Variants in CDH7 observed in about 807,000 individuals in gnomAD.
CDH7 encodes cadherin 7, also known as cadherin-7.
In CDH7, 25 loss-of-function variants were observed where a neutral mutation model predicts 71.8. The observed-to-expected ratio is 0.35, with a 90% CI of 0.25 to 0.49. The LOEUF (loss-of-function observed/expected upper bound fraction) is 0.49. Ranked by LOEUF, CDH7 falls within the 20% of genes least tolerant of loss-of-function variation. The pLI is 0.99. For synonymous variants in CDH7, 381 were observed against 363.8 expected, an observed-to-expected ratio of 1.05 and a Z score of -0.54; for missense variants, 862 against 974.6, an observed-to-expected ratio of 0.88 and a Z score of 1.54.
chr18:65,855,876 A>G (rs535783769), intron 7 of CDH7, among the ~76,000 whole-genome samples: 3 of 152,298 alleles, frequency 2.0e-5, no homozygotes, highest in East Asian at 1.9e-4. Flanking sequence ...GAAAAGAATA[A>G]TTCACCATGA....
rs1599074647 is a variant in CDH7, at chr18:65,885,134, G to C, written c.*4240G>C. The C allele has an allele frequency of 6.6e-6, 1 of 151,966 alleles. No individual in the cohort carries two copies. Among genetic ancestry groups the C allele is most frequent in the Non-Finnish European group, 1.5e-5 (1 of 67,974 alleles). 9.4% of individuals were successfully genotyped at this position (151,966 alleles called of 1,614,324 possible). A position where few individuals can be genotyped will look rare whatever the true frequency, so the allele number is the denominator to read the frequency against. On this transcript the variant is annotated 3_prime_UTR_variant, in exon 12 of 12. Coordinates refer to ENST00000397968, the MANE Select transcript of CDH7 (RefSeq NM_004361.5). Reference sequence around the variant, plus strand: ...GCTGGATATAATAAAGAACAAGAAAGGAATAATAGCATTTGCATTTTAAAT... The same window carrying C: ...GCTGGATATAATAAAGAACAAGAAACGAATAATAGCATTTGCATTTTAAAT...
chr18:65,868,343 C>T (rs1335090553), intron 11 of CDH7, among the ~76,000 whole-genome samples: 1 of 152,148 alleles, frequency 6.6e-6, no homozygotes, highest in Non-Finnish European at 1.5e-5. Context: ...TATTACTATG[C>T]CCACATTTTA....
chr18:65,769,342 G>A (rs1430172865), intron 2 of CDH7, among the ~76,000 whole-genome samples: 1 of 152,124 alleles, frequency 6.6e-6, no homozygotes, highest in Non-Finnish European at 1.5e-5. Context: ...CAATTTTCTT[G>A]TTATTTTAAA....
At position 65,854,643 on chromosome 18, in the gene CDH7, T is replaced by A. The variant is rs1913284091; in HGVS notation, c.1236-3173T>A. 2.0e-5 allele frequency among the ~76,000 whole-genome samples: 3 copies of A among 152,162 alleles called. No homozygotes were observed. In the South Asian group the frequency reaches 6.2e-4, roughly 31 times the overall value. On this transcript the variant is annotated intron_variant, in intron 7 of 11. Transcript: ENST00000397968. The stretch of plus-strand genomic sequence containing the variant: ...ACTGATGTCTGTCAAGTTCAAGGCC[T>A]TTTAGCTTTTAAGAATCTAGACATT...
At chr18:65,818,992 C>A (rs147439899) in intron 4 of CDH7, among the ~76,000 whole-genome samples, 156 of 152,160 alleles carry the variant, frequency 1.0e-3, no homozygotes, top group African/African-American at 3.1e-3. Flanking sequence ...CGGTCACAAC[C>A]TTGTTGACCA....
rs538025964 is a variant in CDH7, at chr18:65,847,941, G to A, written c.1235+3876G>A. ...TCAAAGCCAAGGGTAGAAGTTAGTT[G>A]ACACTTGAGATTACTTAGAGGGAAA... On this transcript the variant is annotated intron_variant, in intron 7 of 11. Coordinates refer to ENST00000397968, the MANE Select transcript of CDH7 (RefSeq NM_004361.5). Among the ~76,000 whole-genome samples, 3 of 151,068 alleles carry A rather than the reference G, an allele frequency of 2.0e-5. No homozygotes were observed. In the South Asian group the frequency reaches 6.3e-4, roughly 32 times the overall value.
At position 65,888,060 on chromosome 18, in the gene CDH7, C is replaced by T. The variant is rs1914416820; in HGVS notation, c.*7166C>T. 1 of 152,078 alleles carries T rather than the reference C, an allele frequency of 6.6e-6. No homozygotes were observed. Among genetic ancestry groups the T allele is most frequent in the Non-Finnish European group, 1.5e-5 (1 of 67,996 alleles). The allele number at this position is 152,078 out of a possible 1,614,324, so 9.4% of individuals were successfully genotyped here. Reference sequence around the variant, plus strand: ...AGTTCATTTAACCTTGGAAATGAGACATGAAGCATAAAACCTGGGGTCAGG... The same window carrying T: ...AGTTCATTTAACCTTGGAAATGAGATATGAAGCATAAAACCTGGGGTCAGG... On this transcript the variant is annotated 3_prime_UTR_variant, in exon 12 of 12. Transcript: ENST00000397968.
rs1244474779 is a variant in CDH7, at chr18:65,880,447, C to A, written c.1911C>A (p.Pro637=). The A allele has an allele frequency of 6.4e-7, 1 of 1,572,100 alleles. No individual in the cohort carries two copies. Among genetic ancestry groups the A allele is most frequent in the Non-Finnish European group, 8.6e-7 (1 of 1,165,550 alleles). Residue 637 remains proline, a synonymous_variant, in exon 12 of 12, where the codon CCC becomes CCA. Coordinates refer to ENST00000397968, the MANE Select transcript of CDH7 (RefSeq NM_004361.5). ...IVTMRRRKKE[P]LIFDEERDIR... ...CTATGAGAAGACGGAAAAAAGAGCC[C>A]CTTATTTTTGACGAAGAAAGAGACA...
At chr18:65,871,370 G>A (rs1056819499) in intron 11 of CDH7, among the ~76,000 whole-genome samples, 2 of 152,132 alleles carry the variant, frequency 1.3e-5, no homozygotes, top group African/African-American at 4.8e-5. Context: ...ATATTGGAGA[G>A]CAGGTAACTG....
chr18:65,784,852 C>T (rs192296054), intron 2 of CDH7, among the ~76,000 whole-genome samples: 4 of 152,206 alleles, frequency 2.6e-5, no homozygotes, highest in East Asian at 1.9e-4. Context: ...CCTCCTATTA[C>T]GAATTCTTTT....
At chr18:65,832,110 G>T (rs8086394) in intron 6 of CDH7, among the ~76,000 whole-genome samples, 134,448 of 152,100 alleles carry the variant, frequency 0.88, 61,798 homozygotes, top group East Asian at 1. Flanking sequence ...CTATTGTAAT[G>T]AGATTATTTT....
At chr18:65,799,927 C>T (rs983370034) in intron 2 of CDH7, among the ~76,000 whole-genome samples, 4 of 152,202 alleles carry the variant, frequency 2.6e-5, no homozygotes, top group Admixed American at 2.0e-4. Context: ...TATATCAACA[C>T]ATGCTATTTT....
intron 4 of CDH7, among the ~76,000 whole-genome samples, chr18:65,821,095 A>G (rs1489058642): frequency 6.6e-6 from 1 of 150,832 alleles, no homozygotes; most frequent in Non-Finnish European, 1.5e-5. Context: ...TTACAGAAAT[A>G]AAGATAATTA....
At position 65,843,913 on chromosome 18, in the gene CDH7, G is replaced by C. The variant is rs1445461161; in HGVS notation, c.1083G>C (p.Thr361=). ...TGAGCTTGGGTCCGTTCAGTGACAC[G>C]ACAACTGTGAAGATAATTGTGGAAG... The part of the protein sequence containing the change: ...RFLSLGPFSD[T]TTVKIIVEDV... Residue 361 remains threonine (T), a synonymous_variant, in exon 7 of 12, where the codon ACG becomes ACC. Transcript: ENST00000397968. The C allele has an allele frequency of 1.9e-6, 3 of 1,606,152 alleles. No individual in the cohort carries two copies. Among genetic ancestry groups the C allele is most frequent in the African/African-American group, 2.7e-5 (2 of 74,276 alleles).
chr18:65,839,345 C>G (rs1912644977), intron 6 of CDH7, among the ~76,000 whole-genome samples: 1 of 152,188 alleles, frequency 6.6e-6, no homozygotes, highest in Non-Finnish European at 1.5e-5. Flanking sequence ...GGTTCATACA[C>G]AGCCATATCC....
intron 6 of CDH7, among the ~76,000 whole-genome samples, chr18:65,833,089 A>G (rs945400882): frequency 1.3e-4 from 20 of 152,176 alleles, no homozygotes; most frequent in African/African-American, 4.3e-4. Flanking sequence ...ATATGCTCAT[A>G]TCCATACCCT....
At chr18:65,795,511 A>G (rs1256019651) in intron 2 of CDH7, among the ~76,000 whole-genome samples, 2 of 152,176 alleles carry the variant, frequency 1.3e-5, no homozygotes, top group Admixed American at 1.3e-4. Context: ...CATCTAAACT[A>G]TGTATCTATA....
intron 7 of CDH7, among the ~76,000 whole-genome samples, chr18:65,847,349 G>A (rs1047331094): frequency 2.0e-5 from 3 of 152,058 alleles, no homozygotes; most frequent in African/African-American, 7.2e-5. Flanking sequence ...GACCAGTAGG[G>A]TTTGACTTGT....
chr18:65,889,139 G>A lies in CDH7; in HGVS notation c.*8245G>A, dbSNP rs1010132081. On this transcript the variant is annotated 3_prime_UTR_variant, in exon 12 of 12. Transcript: ENST00000397968. ...GTGGGACATTGTTGTGAGAATGGACGAGAGCACAAAAACACGGCAGACCAG... is the reference window on the plus strand; with the variant it reads ...GTGGGACATTGTTGTGAGAATGGACAAGAGCACAAAAACACGGCAGACCAG... 6.6e-6 allele frequency: 1 copy of A among 152,084 alleles called. No homozygotes were observed. Among genetic ancestry groups the A allele is most frequent in the Non-Finnish European group, 1.5e-5 (1 of 68,030 alleles). The allele number at this position is 152,084 out of a possible 1,614,324, so 9.4% of individuals were successfully genotyped here.
Sources: allele counts gnomAD v4.1 joint callset (sites outside exome capture counted in the v4.1 genomes callset), GRCh38; gene constraint gnomAD v4.1.1; transcripts MANE v1.5; gene names NCBI Gene and HGNC (gene_info 2026-07-23, HGNC 2026-07-21).